The following TSHR variants were observed in gnomAD, a reference collection of about 807,000 sequenced individuals.
TSHR encodes the protein thyroid stimulating hormone receptor.
Under a neutral mutation model 64.1 loss-of-function variants are expected in TSHR, and 51 were observed. That is an observed-to-expected ratio of 0.80 (90% CI 0.64 to 1.01). The LOEUF (loss-of-function observed/expected upper bound fraction) is 1.01. Among genes scored for constraint, TSHR ranks in the 50% least tolerant of loss-of-function variants. The probability of loss-of-function intolerance (pLI) is 0.00; values close to 1 mark genes in which losing one functional copy is unlikely to be tolerated. For missense variants in TSHR, 877 were observed against 942.8 expected (o/e 0.93, Z 0.91); for synonymous variants, 361 against 361.9 (o/e 1.00, Z 0.03).
chr14:81,042,984 A>G (rs1337173991), intron 1 of TSHR, among the ~76,000 whole-genome samples: 1 of 152,194 alleles, frequency 6.6e-6, no homozygotes, highest in Admixed American at 6.5e-5. Flanking sequence ...AGCCAATATC[A>G]TACTGAATGG....
chr14:81,021,815 A>G (rs918029758), intron 1 of TSHR, among the ~76,000 whole-genome samples: 11 of 152,196 alleles, frequency 7.2e-5, no homozygotes, highest in Admixed American at 2.6e-4. Flanking sequence ...AAGAAATTTC[A>G]TAGGTAACAG....
At chr14:81,130,636 T>C (rs1891198406) in intron 8 of TSHR, among the ~76,000 whole-genome samples, 1 of 152,228 alleles carries the variant, frequency 6.6e-6, no homozygotes, top group Admixed American at 6.5e-5. Flanking sequence ...ATTTACCTAA[T>C]GCCTATGATA....
rs181863885 is a variant in TSHR at position 81,087,263 on chromosome 14, C to T, written c.318-691C>T. Among the ~76,000 whole-genome samples the T allele has an allele frequency of 1.9e-4, 29 of 152,278 alleles. No homozygotes were observed. In the East Asian group the frequency reaches 5.2e-3, roughly 27 times the overall value. ...CCTTAAACTCTTTTAGCCAATCAAC[C>T]TATGTTGAATATGTTTAATTTAACC... On this transcript the variant is annotated intron_variant, in intron 3 of 9. Transcript: ENST00000298171.
chr14:80,955,940 G>GC (rs1886652274), intron 1 of TSHR, 90 bp downstream of exon 1: 1 of 1,495,390 alleles, frequency 6.7e-7, no homozygotes, highest in Admixed American at 1.7e-5. Context: ...CTCAATAACA[G>GC]CCCGAAGTAG....
chr14:81,132,321 T>C (rs970786116), intron 8 of TSHR, among the ~76,000 whole-genome samples: 2 of 152,330 alleles, frequency 1.3e-5, no homozygotes, highest in African/African-American at 4.8e-5. Flanking sequence ...TAATTTGCAA[T>C]TGAATTTATC....
intron 1 of TSHR, chr14:81,013,837 A>G (rs1252397197): frequency 1.3e-5 from 2 of 152,124 alleles, no homozygotes; most frequent in African/African-American, 2.4e-5. Context: ...GGCATCATCT[A>G]TATTTACTTG....
chr14:81,067,489 ATATATATATATATATAGTGATATATCAC>A (rs1268156680), intron 2 of TSHR, among the ~76,000 whole-genome samples: 21 of 146,122 alleles, frequency 1.4e-4, no homozygotes, highest in African/African-American at 5.0e-4. Flanking sequence ...AGTTTTATAT[ATATATATATATATATAGTGATATATCAC>A]TATATATAAT....
intron 1 of TSHR, among the ~76,000 whole-genome samples, chr14:80,973,432 T>C (rs138353911): frequency 0.032 from 1,919 of 60,060 alleles, 62 homozygotes; most frequent in African/African-American, 0.087. Flanking sequence ...AAAAAAAATC[T>C]GTGTACTTAT....
At chr14:81,138,616 G>A (rs1891553918) in intron 8 of TSHR, among the ~76,000 whole-genome samples, 1 of 152,128 alleles carries the variant, frequency 6.6e-6, no homozygotes, top group South Asian at 2.1e-4. Context: ...GTCCTGTGGT[G>A]AGAATGGGGT....
At chr14:81,042,590 C>G (rs1884974508) in intron 1 of TSHR, among the ~76,000 whole-genome samples, 2 of 152,012 alleles carry the variant, frequency 1.3e-5, no homozygotes, top group African/African-American at 4.8e-5. Context: ...AAAAAGTTGA[C>G]ATCATAGAAG....
chr14:81,132,460 C>T (rs902989164), intron 8 of TSHR, among the ~76,000 whole-genome samples: 14 of 152,268 alleles, frequency 9.2e-5, no homozygotes, highest in African/African-American at 2.9e-4. Flanking sequence ...TGACATTAAA[C>T]GTAGTTAGCT....
At chr14:81,027,645 T>C (rs1884138740) in intron 1 of TSHR, among the ~76,000 whole-genome samples, 2 of 152,208 alleles carry the variant, frequency 1.3e-5, no homozygotes, top group African/African-American at 4.8e-5. Context: ...TGCAATAACT[T>C]TTTCAAATGT....
At chr14:80,960,656 G>C (rs1280380858) in intron 1 of TSHR, among the ~76,000 whole-genome samples, 1 of 152,134 alleles carries the variant, frequency 6.6e-6, no homozygotes, top group Non-Finnish European at 1.5e-5. Flanking sequence ...TATATATTTA[G>C]ACAGATATAT....
intron 1 of TSHR, among the ~76,000 whole-genome samples, chr14:81,004,574 T>C (rs1452932036): frequency 6.6e-6 from 1 of 152,198 alleles, no homozygotes; most frequent in African/African-American, 2.4e-5. Flanking sequence ...TCTGTAGCAA[T>C]GTATACAAAA....
At chr14:80,999,438 C>T (rs1225267292) in intron 1 of TSHR, among the ~76,000 whole-genome samples, 2 of 152,126 alleles carry the variant, frequency 1.3e-5, no homozygotes, top group African/African-American at 4.8e-5. Flanking sequence ...CAAATTGCTC[C>T]CATTTTGGAT....
intron 7 of TSHR, among the ~76,000 whole-genome samples, chr14:81,097,469 A>G (rs1468286395): frequency 6.6e-6 from 1 of 152,144 alleles, no homozygotes; most frequent in Non-Finnish European, 1.5e-5. Context: ...ACCCTCTGAG[A>G]GGTCTTATCA....
At chr14:81,012,628 C>T (rs1185696871) in intron 1 of TSHR, 2 of 152,154 alleles carry the variant, frequency 1.3e-5, no homozygotes. Flanking sequence ...TTAATGATTG[C>T]CATTCTAACT....
At chr14:81,114,215 C>T (rs1319335487) in intron 8 of TSHR, among the ~76,000 whole-genome samples, 1 of 151,958 alleles carries the variant, frequency 6.6e-6, no homozygotes, top group East Asian at 1.9e-4. Flanking sequence ...TCTACAGCTC[C>T]CAGCGTCAGC....
At chr14:80,984,771 A>C (rs578135731) in intron 1 of TSHR, among the ~76,000 whole-genome samples, 2 of 152,206 alleles carry the variant, frequency 1.3e-5, no homozygotes, top group Non-Finnish European at 2.9e-5. Flanking sequence ...GATGGATTTT[A>C]TCTGGCAGTG....
Sources: allele counts gnomAD v4.1 joint callset (sites outside exome capture counted in the v4.1 genomes callset), GRCh38; gene constraint gnomAD v4.1.1; transcripts MANE v1.5; gene names NCBI Gene and HGNC (gene_info 2026-07-23, HGNC 2026-07-21).